FRMD6: variants seen among roughly 807,000 people sequenced by gnomAD.
FRMD6 encodes FERM domain containing 6.
Under a neutral mutation model 73.2 loss-of-function variants are expected in FRMD6, and 37 were observed. The ratio of observed to expected loss-of-function variants is 0.51; its 90% CI spans 0.39 to 0.66. The LOEUF (loss-of-function observed/expected upper bound fraction) is 0.66, where lower values mean the gene tolerates loss of function less well. FRMD6 is among the 30% of genes least tolerant of loss of function. The pLI, the probability that FRMD6 is intolerant of heterozygous loss-of-function variation, is 0.00. For missense variants in FRMD6, 714 were observed against 780.5 expected (o/e 0.91, Z 1.02); for synonymous variants, 273 against 282.2 (o/e 0.97, Z 0.33).
rs59151771 is a variant in FRMD6, at chr14:51,599,058, C to CTTTT, written c.-147+28672_-147+28675dup. Among the ~76,000 whole-genome samples, 51 of 72,820 alleles carry CTTTT rather than the reference C, an allele frequency of 7.0e-4. 3 individuals are homozygous for CTTTT. Among genetic ancestry groups the CTTTT allele is most frequent in the African/African-American group, 2.5e-3 (46 of 18,184 alleles). The allele number at this position is 72,820 out of a possible 152,430, so 47.8% of individuals were successfully genotyped here. A position where few individuals can be genotyped will look rare whatever the true frequency, so the allele number is the denominator to read the frequency against. On this transcript the variant is annotated intron_variant, in intron 2 of 14. Coordinates refer to the FRMD6 transcript ENST00000356218. ...TCTCAGCAGCCTTGCCAGTATCTGTCTTTTTTTTTTTTTTTTTTTTTTTTT... is the reference window on the plus strand; with the variant it reads ...TCTCAGCAGCCTTGCCAGTATCTGTCTTTTTTTTTTTTTTTTTTTTTTTTTTTTT...
Position 51,539,959 on chromosome 14 carries a change from A to G in FRMD6, c.-209-30389A>G, listed in dbSNP as rs547137340. ...GCTGTTCCAGTGACTAGCAAGAAAA[A>G]TATTCTCTTGGAACACTCCAACAAA... On this transcript the variant is annotated intron_variant, in intron 1 of 14. Transcript: ENST00000356218. Among the ~76,000 whole-genome samples the G allele has an allele frequency of 3.7e-4, 56 of 152,330 alleles. No homozygotes were observed. The South Asian group carries it at 6.0e-3, about 16-fold the overall frequency.
chr14:51,491,025 C>T (rs559937758), intron 1 of FRMD6, among the ~76,000 whole-genome samples: 1 of 152,148 alleles, frequency 6.6e-6, no homozygotes, highest in Non-Finnish European at 1.5e-5. Flanking sequence ...CTCTGCCCTG[C>T]CCTCTCCCCA....
At chr14:51,408,789 G>A in the FRMD6 span, among the ~76,000 whole-genome samples, 1 of 152,070 alleles carries the variant, frequency 6.6e-6, no homozygotes, top group Non-Finnish European at 1.5e-5. Flanking sequence ...ATGGAAGCTT[G>A]TTTTCTGGCA....
intron 1 of FRMD6, chr14:51,547,673 A>T (rs1886552144): frequency 6.6e-6 from 1 of 152,208 alleles, no homozygotes; most frequent in African/African-American, 2.4e-5. Context: ...TATCCCACCC[A>T]AATGTGATTT....
At chr14:51,656,442 C>T (rs1892829623) in intron 1 of FRMD6, among the ~76,000 whole-genome samples, 1 of 148,948 alleles carries the variant, frequency 6.7e-6, no homozygotes, top group South Asian at 2.1e-4. Context: ...GAGGCGGAGT[C>T]TCGCCCTGTC....
At chr14:51,406,233 T>C in the FRMD6 span, among the ~76,000 whole-genome samples, 2 of 152,228 alleles carry the variant, frequency 1.3e-5, no homozygotes, top group Non-Finnish European at 2.9e-5. Flanking sequence ...ACTGTAGCCC[T>C]GTAGTATAGT....
At chr14:51,650,028 G>A (rs1892263354), upstream of FRMD6, 1 of 152,226 alleles carries the variant, frequency 6.6e-6, no homozygotes. Context: ...GCCTCCCAAA[G>A]TGCTGGAGTA....
intron 1 of FRMD6, among the ~76,000 whole-genome samples, chr14:51,668,059 T>C (rs376974955): frequency 6.6e-6 from 1 of 152,194 alleles, no homozygotes; most frequent in East Asian, 1.9e-4. Flanking sequence ...CCTTACATAT[T>C]CTTGAACTAG....
At chr14:51,448,847 G>A in the FRMD6 span, among the ~76,000 whole-genome samples, 5 of 152,100 alleles carry the variant, frequency 3.3e-5, no homozygotes, top group African/African-American at 1.2e-4. Context: ...GCTCGTCGTG[G>A]GTATAATCTT....
intron 10 of FRMD6, among the ~76,000 whole-genome samples, chr14:51,717,083 C>T (rs549768803): frequency 6.6e-6 from 1 of 152,108 alleles, no homozygotes; most frequent in Non-Finnish European, 1.5e-5. Context: ...GTAAAAATTG[C>T]AAAGAATTTT....
At chr14:51,535,013 C>T (rs1391974017) in intron 1 of FRMD6, among the ~76,000 whole-genome samples, 1 of 152,120 alleles carries the variant, frequency 6.6e-6, no homozygotes, top group Non-Finnish European at 1.5e-5. Flanking sequence ...AGCAGTTCAC[C>T]CACATTCCCC....
chr14:51,520,753 C>A (rs140473212), intron 1 of FRMD6, among the ~76,000 whole-genome samples: 38 of 151,850 alleles, frequency 2.5e-4, no homozygotes, highest in African/African-American at 7.2e-4. Flanking sequence ...CAAAAATTAG[C>A]CAAAAATTAG....
chr14:51,449,427 A>T, the FRMD6 span, among the ~76,000 whole-genome samples: 1 of 152,300 alleles, frequency 6.6e-6, no homozygotes, highest in African/African-American at 2.4e-5. Context: ...ATCACAGCTT[A>T]TGGGATTATC....
intron 10 of FRMD6, among the ~76,000 whole-genome samples, 182 bp from the exon 11 acceptor site, chr14:51,719,873 G>C (rs1897437766): frequency 6.6e-6 from 1 of 152,120 alleles, no homozygotes; most frequent in Admixed American, 6.5e-5. Context: ...CCTCAAATCT[G>C]TTGCACTGGT....
At chr14:51,578,107 G>A (rs1357681851) in intron 2 of FRMD6, among the ~76,000 whole-genome samples, 2 of 152,118 alleles carry the variant, frequency 1.3e-5, no homozygotes, top group Non-Finnish European at 2.9e-5. Flanking sequence ...AAGCAGGAAG[G>A]AAATTCCTGG....
intron 2 of FRMD6, among the ~76,000 whole-genome samples, chr14:51,691,472 A>G (rs374817238): frequency 5.9e-4 from 90 of 151,760 alleles, no homozygotes; most frequent in African/African-American, 2.1e-3. Context: ...CAACTTTCAT[A>G]CTGTTTCTTT....
intron 1 of FRMD6, among the ~76,000 whole-genome samples, chr14:51,659,079 G>T (rs542917513): frequency 6.6e-6 from 1 of 152,074 alleles, no homozygotes; most frequent in Non-Finnish European, 1.5e-5. Flanking sequence ...CATAGAAGAG[G>T]GATAGTAAAA....
chr14:51,443,256 C>T, the FRMD6 span, among the ~76,000 whole-genome samples: 2 of 152,206 alleles, frequency 1.3e-5, no homozygotes, highest in African/African-American at 4.8e-5. Context: ...TTTGTTTCAT[C>T]ATGGGCAAGT....
chr14:51,525,579 A>G (rs1314248547), intron 1 of FRMD6, among the ~76,000 whole-genome samples: 1 of 152,116 alleles, frequency 6.6e-6, no homozygotes, highest in Non-Finnish European at 1.5e-5. Context: ...CACTACACCC[A>G]GCATTTTTAA....
Sources: allele counts gnomAD v4.1 joint callset (sites outside exome capture counted in the v4.1 genomes callset), GRCh38; gene constraint gnomAD v4.1.1; transcripts MANE v1.5; gene names NCBI Gene and HGNC (gene_info 2026-07-23, HGNC 2026-07-21).